LPA: variants seen among roughly 807,000 people sequenced by gnomAD.
LPA encodes apolipoprotein(a).
LPA carries 199 observed loss-of-function variants against 197.9 expected under a neutral mutation model. That is an observed-to-expected ratio of 1.01 (90% confidence interval 0.90 to 1.13). LPA has a LOEUF of 1.13. LPA is among the 50% of genes most tolerant of loss of function. The pLI is 0.00. For missense variants in LPA, 1,853 were observed against 1,785.8 expected, an observed-to-expected ratio of 1.04 and a Z score of -0.68; for synonymous variants, 715 against 639.5, an observed-to-expected ratio of 1.12 and a Z score of -1.78.
chr6:160,603,261 C>T (rs9457950), intron 18 of LPA, among the ~76,000 whole-genome samples: 8,226 of 94,980 alleles, frequency 0.087, 775 homozygotes, highest in African/African-American at 0.23. Context: ...TGTGTGTGTG[C>T]GTGCATGTTT....
chr6:160,662,387 G>A (rs747290233), intron 1 of LPA, among the ~76,000 whole-genome samples: 7 of 152,112 alleles, frequency 4.6e-5, no homozygotes, highest in South Asian at 4.1e-4. Context: ...ATGTTTCTCC[G>A]CTTCTCACTG....
intron 28 of LPA, among the ~76,000 whole-genome samples, chr6:160,572,329 GCCAGCCA>G (rs1450198020): frequency 5.9e-5 from 9 of 152,152 alleles, no homozygotes; most frequent in African/African-American, 2.2e-4. Context: ...CAGCCATCTT[GCCAGCCA>G]CCAACTCTTT....
chr6:160,591,153 G>A (rs751267533), intron 22 of LPA, 52 bp from the exon 23 acceptor site: 3 of 1,604,068 alleles, frequency 1.9e-6, no homozygotes, highest in Admixed American at 1.7e-5. Context: ...AGATACAAGG[G>A]CACCAGACAT....
At chr6:160,582,043 T>G (rs2115035156) in intron 26 of LPA, among the ~76,000 whole-genome samples, 1 of 152,278 alleles carries the variant, frequency 6.6e-6, no homozygotes, top group Non-Finnish European at 1.5e-5. Context: ...TACATAATCC[T>G]GCTGATGAAA....
At chr6:160,574,418 G>A (rs1778617984) in intron 28 of LPA, among the ~76,000 whole-genome samples, 2 of 152,058 alleles carry the variant, frequency 1.3e-5, no homozygotes, top group South Asian at 4.2e-4. Flanking sequence ...TTCTGGCCAG[G>A]AGGCTTCTCC....
At chr6:160,540,443 G>A (rs914954776) in intron 35 of LPA, among the ~76,000 whole-genome samples, 4 of 152,196 alleles carry the variant, frequency 2.6e-5, no homozygotes, top group African/African-American at 9.7e-5. Context: ...CCCAGTGATG[G>A]AGCTATGGCC....
In LPA at chr6:160,537,552, G is replaced by C. The variant is rs6922557; in HGVS notation, c.5842+303C>G. On this transcript the variant is annotated intron_variant, in intron 37 of 38. Transcript: ENST00000316300. ...ATATGAATGCTGAAATTATGATTAA[G>C]AGACTCAAAGACCTCTACTGGTGTT... is the stretch of plus-strand genomic sequence containing the variant. 7.8e-3 allele frequency among the ~76,000 whole-genome samples: 1,191 copies of C among 152,302 alleles called. 23 individuals carry two copies. The highest frequency in any genetic ancestry group is 0.027 in the African/African-American group (1,118 of 41,560).
chr6:160,541,142 T>C lies in LPA; in HGVS notation c.5559A>G (p.Pro1853=). 1 of 1,614,208 alleles carries C rather than the reference T, an allele frequency of 6.2e-7. No individual in the cohort carries two copies. The highest frequency in any genetic ancestry group is 1.1e-5 in the South Asian group (1 of 91,086). The stretch of plus-strand genomic sequence containing the variant: ...AGTGAGCAGCAGTCAGCACCCACTC[T>C]GGGGATATTAAGGTGCCTCCACAGA... ...KHFCGGTLIS[P]EWVLTAAHCL... Residue 1853 remains proline (P), a synonymous_variant, in exon 35 of 39, where the codon CCA becomes CCG. Coordinates refer to ENST00000316300, the MANE Select transcript of LPA (RefSeq NM_005577.4).
chr6:160,649,461 C>T (rs1779965379), intron 2 of LPA, among the ~76,000 whole-genome samples: 1 of 152,152 alleles, frequency 6.6e-6, no homozygotes, highest in Non-Finnish European at 1.5e-5. Context: ...TGTTAGCAGG[C>T]CTAGAAAATC....
At chr6:160,594,974 C>A (rs1389917898) in intron 21 of LPA, among the ~76,000 whole-genome samples, 2 of 152,174 alleles carry the variant, frequency 1.3e-5, no homozygotes, top group Non-Finnish European at 2.9e-5. Flanking sequence ...GCCAAAGATG[C>A]AATGAACACT....
intron 30 of LPA, among the ~76,000 whole-genome samples, chr6:160,550,274 G>T (rs1778147802): frequency 6.6e-6 from 1 of 151,224 alleles, no homozygotes; most frequent in African/African-American, 2.4e-5. Flanking sequence ...GGGGATCTTG[G>T]AGAATGTGCT....
intron 26 of LPA, among the ~76,000 whole-genome samples, chr6:160,581,884 T>C (rs1285476184): frequency 6.6e-6 from 1 of 152,188 alleles, no homozygotes; most frequent in East Asian, 1.9e-4. Context: ...ACCAATGTTA[T>C]GTAGTATACA....
At chr6:160,585,705 A>G (rs573530286) in intron 25 of LPA, among the ~76,000 whole-genome samples, 2 of 152,252 alleles carry the variant, frequency 1.3e-5, no homozygotes, top group South Asian at 2.1e-4. Flanking sequence ...ACTTGTAGGT[A>G]AAGACACATT....
intron 16 of LPA, among the ~76,000 whole-genome samples, chr6:160,608,819 T>TTTTGTG (rs1554239064): frequency 2.0e-5 from 3 of 149,348 alleles, no homozygotes; most frequent in Admixed American, 1.3e-4. Context: ...TTCTTGAGGG[T>TTTTGTG]TGTGTGTGTG....
intron 29 of LPA, among the ~76,000 whole-genome samples, 176 bp downstream of exon 29, chr6:160,557,214 C>T (rs1778278520): frequency 6.6e-6 from 1 of 152,048 alleles, no homozygotes; most frequent in African/African-American, 2.4e-5. Context: ...CCTGAAGTCA[C>T]CGCCCACGCA....
intron 20 of LPA, 62 bp downstream of exon 20, chr6:160,599,438 A>G: frequency 1.2e-6 from 2 of 1,603,418 alleles, no homozygotes; most frequent in Non-Finnish European, 1.7e-6. Flanking sequence ...TTGAAGCATG[A>G]CTCTTCTAAC....
intron 26 of LPA, among the ~76,000 whole-genome samples, chr6:160,579,781 GCCCAGATC>G (rs1458771980): frequency 6.6e-6 from 1 of 152,162 alleles, no homozygotes; most frequent in African/African-American, 2.4e-5. Context: ...CTAGTCTCAA[GCCCAGATC>G]CCCCATTTGA....
At chr6:160,559,252 T>C (rs1778322593) in intron 28 of LPA, among the ~76,000 whole-genome samples, 1 of 152,216 alleles carries the variant, frequency 6.6e-6, no homozygotes, top group African/African-American at 2.4e-5. Context: ...TTTCCTCTTT[T>C]GGAGGAAATG....
rs1037731585 is a variant in LPA, at chr6:160,611,478, G to A, written c.2603+84C>T. On this transcript the variant is annotated intron_variant, in intron 16 of 38. Coordinates refer to ENST00000316300, the MANE Select transcript of LPA (RefSeq NM_005577.4). ...TCTGAATCTGACACAAGTTGAGTTC[G>A]GAGAACTCAGCTTGAAGCATGTCTC... is the stretch of plus-strand genomic sequence containing the variant. 2.8e-5 allele frequency: 44 copies of A among 1,572,392 alleles called. 1 individual carries two copies. Among genetic ancestry groups the A allele is most frequent in the South Asian group, 5.5e-5 (5 of 90,394 alleles).
Sources: gnomAD v4.1 joint callset for allele counts (sites outside exome capture counted in the v4.1 genomes callset) on GRCh38, gnomAD v4.1.1 for gene constraint, MANE v1.5 for transcripts, NCBI Gene and HGNC (gene_info 2026-07-23, HGNC 2026-07-21) for gene names.